Variants in PDSS1 observed in about 807,000 individuals in gnomAD.
PDSS1 encodes the protein decaprenyl diphosphate synthase subunit 1.
In PDSS1, 43 loss-of-function variants were observed where a neutral mutation model predicts 57.5. The observed-to-expected ratio is 0.75, with a 90% CI of 0.59 to 0.96. The LOEUF is 0.96. PDSS1 is among the 50% of genes least tolerant of loss of function. PDSS1 has a pLI of 0.00. For missense variants in PDSS1, 438 were observed against 527.8 expected, an observed-to-expected ratio of 0.83 and a Z score of 1.67; for synonymous variants, 175 against 191.3, an observed-to-expected ratio of 0.91 and a Z score of 0.70.
At chr10:26,704,969 T>C (rs543540332) in intron 3 of PDSS1, among the ~76,000 whole-genome samples, 36 of 152,240 alleles carry the variant, frequency 2.4e-4, no homozygotes, top group African/African-American at 7.0e-4. Context: ...ATTTCTATTC[T>C]AAATTGTAGA....
intron 5 of PDSS1, among the ~76,000 whole-genome samples, chr10:26,712,001 C>CTTTTTTTTTTTTTTT (rs543847648): frequency 1.6e-5 from 1 of 61,898 alleles, no homozygotes; most frequent in South Asian, 4.8e-4. Context: ...TTTTCTTTTT[C>CTTTTTTTTTTTTTTT]TTTTTTTTTT....
chr10:26,704,322 G>A lies in PDSS1; in HGVS notation c.163-355G>A, dbSNP rs972476324. Among the ~76,000 whole-genome samples, 9 of 152,034 alleles carry A rather than the reference G, an allele frequency of 5.9e-5. No individual in the cohort carries two copies. The South Asian group carries it at 1.5e-3, about 25-fold the overall frequency. On this transcript the variant is annotated intron_variant, in intron 2 of 11. Transcript: ENST00000376215. Reference sequence around the variant, plus strand: ...TTGTATAAATATAAATTCCTTCCTTGCTATTGAAATCTTTTTTCCTCTGAC... The same window carrying A: ...TTGTATAAATATAAATTCCTTCCTTACTATTGAAATCTTTTTTCCTCTGAC...
chr10:26,702,718 C>T (rs1835087690), intron 2 of PDSS1, among the ~76,000 whole-genome samples: 1 of 152,142 alleles, frequency 6.6e-6, no homozygotes, highest in East Asian at 1.9e-4. Flanking sequence ...CGCATTGTGG[C>T]ATGTTCCTGT....
chr10:26,736,209 C>T (rs979892166), intron 10 of PDSS1, among the ~76,000 whole-genome samples: 1 of 152,210 alleles, frequency 6.6e-6, no homozygotes, highest in African/African-American at 2.4e-5. Context: ...CAAAGATGTT[C>T]CCTCGACTGA....
chr10:26,745,517 A>AAAG (rs981904126), intron 11 of PDSS1, among the ~76,000 whole-genome samples: 32 of 152,290 alleles, frequency 2.1e-4, no homozygotes, highest in African/African-American at 7.7e-4. Flanking sequence ...ATCTTAACAA[A>AAAG]AAGGTAACAG....
chr10:26,720,873 G>A (rs529088010), intron 6 of PDSS1, among the ~76,000 whole-genome samples: 3 of 152,162 alleles, frequency 2.0e-5, no homozygotes, highest in South Asian at 2.1e-4. Context: ...TATATTATTA[G>A]CATTGGGAAT....
intron 1 of PDSS1, among the ~76,000 whole-genome samples, chr10:26,699,780 A>G (rs1834990704): frequency 6.6e-6 from 1 of 152,148 alleles, no homozygotes; most frequent in South Asian, 2.1e-4. Flanking sequence ...AATATGCTTT[A>G]TGGCCTCCCC....
intron 5 of PDSS1, among the ~76,000 whole-genome samples, chr10:26,716,776 AG>A (rs149825542): frequency 0.02 from 3,050 of 152,268 alleles, 102 homozygotes; most frequent in African/African-American, 0.07. Flanking sequence ...ATACTCTTGC[AG>A]GTGTGAAGTA....
chr10:26,727,340 CTTT>C (rs71403885), intron 8 of PDSS1, among the ~76,000 whole-genome samples: 10 of 100,646 alleles, frequency 9.9e-5, no homozygotes, highest in Non-Finnish European at 1.5e-4. Context: ...CTCTCTCTCT[CTTT>C]TTTTTTTTTT....
chr10:26,741,225 CTGTAATCCCA>C (rs1169071125), intron 10 of PDSS1, among the ~76,000 whole-genome samples: 1 of 152,202 alleles, frequency 6.6e-6, no homozygotes, highest in Admixed American at 6.5e-5. Flanking sequence ...TGGCTCACAC[CTGTAATCCCA>C]GCACTTGGGG....
At chr10:26,719,956 T>A (rs1444337878) in intron 5 of PDSS1, among the ~76,000 whole-genome samples, 1 of 152,214 alleles carries the variant, frequency 6.6e-6, no homozygotes, top group East Asian at 1.9e-4. Context: ...TCAGCCAGAC[T>A]TCTGATCGTT....
At chr10:26,705,225 A>T in intron 3 of PDSS1, 61 bp from the exon 4 acceptor site, 1 of 900,438 alleles carries the variant, frequency 1.1e-6, no homozygotes, top group East Asian at 2.5e-5. Context: ...GAGTCTACTA[A>T]ATATATATGT....
chr10:26,697,904 C>T, intron 1 of PDSS1, 64 bp downstream of exon 1: 3 of 1,224,706 alleles, frequency 2.4e-6, no homozygotes, highest in South Asian at 5.8e-5. Flanking sequence ...CAGCAGTGGG[C>T]GGAATGAATG....
chr10:26,735,145 G>A (rs747618536), intron 8 of PDSS1, 95 bp from the exon 9 acceptor site: 79 of 845,774 alleles, frequency 9.3e-5, no homozygotes, highest in Non-Finnish European at 1.5e-4. Context: ...ATCTAGCCCC[G>A]CTGCCTCCTA....
intron 6 of PDSS1, among the ~76,000 whole-genome samples, chr10:26,721,261 T>G: frequency 6.7e-6 from 1 of 149,704 alleles, no homozygotes; most frequent in East Asian, 2.0e-4. Context: ...ATCACACTAC[T>G]GCACTCCAGC....
intron 6 of PDSS1, among the ~76,000 whole-genome samples, chr10:26,721,551 T>G (rs1835786955): frequency 1.3e-5 from 2 of 152,224 alleles, no homozygotes; most frequent in African/African-American, 4.8e-5. Flanking sequence ...ATATGCCTTT[T>G]ATTTCAAATT....
chr10:26,741,201 C>T (rs1836590341), intron 10 of PDSS1, among the ~76,000 whole-genome samples: 1 of 152,126 alleles, frequency 6.6e-6, no homozygotes, highest in Non-Finnish European at 1.5e-5. Context: ...TATACCTCCC[C>T]AGGCCAGGCG....
chr10:26,732,585 G>A (rs186086813), intron 8 of PDSS1, among the ~76,000 whole-genome samples: 15 of 152,296 alleles, frequency 9.8e-5, no homozygotes, highest in Admixed American at 5.2e-4. Context: ...AGGTTCCAGC[G>A]TGTTGGAGCC....
chr10:26,728,005 G>T (rs1836018585), intron 8 of PDSS1, among the ~76,000 whole-genome samples: 1 of 152,186 alleles, frequency 6.6e-6, no homozygotes, highest in Non-Finnish European at 1.5e-5. Context: ...CATACCAGGA[G>T]GCGCGTGCTG....
Sources: gnomAD v4.1 joint callset for allele counts (sites outside exome capture counted in the v4.1 genomes callset) on GRCh38, gnomAD v4.1.1 for gene constraint, MANE v1.5 for transcripts, NCBI Gene and HGNC (gene_info 2026-07-23, HGNC 2026-07-21) for gene names.